UVRAG: variants seen among roughly 807,000 people sequenced by gnomAD.
UVRAG encodes UV radiation resistance associated.
In UVRAG, 19 loss-of-function variants were observed where a neutral mutation model predicts 78.0. The observed-to-expected ratio is 0.24, with a 90% CI of 0.17 to 0.36. UVRAG has a LOEUF of 0.36. UVRAG is among the 10% of genes least tolerant of loss of function. UVRAG has a pLI of 1.00. For missense variants in UVRAG, 740 were observed against 853.8 expected, an observed-to-expected ratio of 0.87 and a Z score of 1.66; for synonymous variants, 323 against 324.6, an observed-to-expected ratio of 1.00 and a Z score of 0.05.
intron 12 of UVRAG, among the ~76,000 whole-genome samples, chr11:76,050,162 A>G (rs114428012): frequency 0.04 from 6,025 of 152,322 alleles, 146 homozygotes; most frequent in African/African-American, 0.073. Flanking sequence ...GGCAAACACC[A>G]TTCTGTAATT....
At chr11:75,906,348 GT>G (rs1394919609) in intron 5 of UVRAG, among the ~76,000 whole-genome samples, 1 of 151,198 alleles carries the variant, frequency 6.6e-6, no homozygotes, top group Non-Finnish European at 1.5e-5. Context: ...GGGTTTTTTT[GT>G]TTGTTTGTTT....
chr11:76,133,859 C>T (rs1196346243), intron 14 of UVRAG, among the ~76,000 whole-genome samples: 1 of 152,026 alleles, frequency 6.6e-6, no homozygotes, highest in African/African-American at 2.4e-5. Context: ...AGAAAAAAAC[C>T]TAAGATTGTG....
intron 1 of UVRAG, among the ~76,000 whole-genome samples, chr11:75,820,199 A>G (rs957628639): frequency 9.2e-5 from 14 of 152,082 alleles, no homozygotes; most frequent in African/African-American, 3.4e-4. Context: ...GCTAGTCTCA[A>G]ACTCCTGGCC....
intron 4 of UVRAG, among the ~76,000 whole-genome samples, chr11:75,882,742 CTA>C (rs1268790258): frequency 6.6e-6 from 1 of 152,136 alleles, no homozygotes; most frequent in Non-Finnish European, 1.5e-5. Context: ...CTCTCTACTT[CTA>C]TGAGTTCAAC....
At chr11:75,961,054 G>A (rs1318060773) in intron 6 of UVRAG, among the ~76,000 whole-genome samples, 1 of 151,490 alleles carries the variant, frequency 6.6e-6, no homozygotes, top group Non-Finnish European at 1.5e-5. Context: ...TGGATACCTA[G>A]AAGTAATTGT....
chr11:75,937,295 G>A (rs1207013926), intron 6 of UVRAG, among the ~76,000 whole-genome samples: 1 of 152,240 alleles, frequency 6.6e-6, no homozygotes, highest in East Asian at 1.9e-4. Flanking sequence ...CCAAGATCAC[G>A]CCACTGCACT....
intron 5 of UVRAG, among the ~76,000 whole-genome samples, chr11:75,891,221 G>T (rs1488256163): frequency 6.6e-6 from 1 of 152,156 alleles, no homozygotes; most frequent in East Asian, 1.9e-4. Flanking sequence ...TTGAAGGACA[G>T]ATTTCTATAA....
chr11:76,054,277 T>C (rs752250380), intron 12 of UVRAG, among the ~76,000 whole-genome samples: 26 of 152,182 alleles, frequency 1.7e-4, no homozygotes, highest in Non-Finnish European at 3.5e-4. Flanking sequence ...TCATGTTGGC[T>C]CTGTCTTCAA....
intron 6 of UVRAG, among the ~76,000 whole-genome samples, chr11:75,940,690 T>C (rs1326497929): frequency 2.0e-5 from 3 of 152,184 alleles, no homozygotes; most frequent in African/African-American, 7.2e-5. Context: ...TGAGTACTTA[T>C]CAAGTGATAA....
intron 14 of UVRAG, among the ~76,000 whole-genome samples, chr11:76,139,206 T>C (rs749069340): frequency 3.3e-5 from 5 of 152,146 alleles, no homozygotes; most frequent in Non-Finnish European, 7.4e-5. Flanking sequence ...TGCTTGGGTG[T>C]CTGAGACTGC....
chr11:75,903,221 G>A (rs1349629962), intron 5 of UVRAG, among the ~76,000 whole-genome samples: 1 of 152,098 alleles, frequency 6.6e-6, no homozygotes, highest in Non-Finnish European at 1.5e-5. Context: ...CGGGTAGTTG[G>A]ACAGTCTTCC....
At chr11:75,815,958 G>A (rs1945256360) in intron 1 of UVRAG, among the ~76,000 whole-genome samples, 1 of 152,226 alleles carries the variant, frequency 6.6e-6, no homozygotes, top group African/African-American at 2.4e-5. Flanking sequence ...CCCGCTTACG[G>A]AGAAACCAGT....
intron 13 of UVRAG, among the ~76,000 whole-genome samples, chr11:76,093,991 G>A (rs1951747034): frequency 6.6e-6 from 1 of 152,110 alleles, no homozygotes; most frequent in Admixed American, 6.6e-5. Flanking sequence ...TGTTGGCTGT[G>A]GGTTTGTCAT....
At chr11:76,117,309 C>G (rs1395596050) in intron 14 of UVRAG, among the ~76,000 whole-genome samples, 1 of 152,156 alleles carries the variant, frequency 6.6e-6, no homozygotes, top group Non-Finnish European at 1.5e-5. Flanking sequence ...ATGAATCTTG[C>G]TCAGTACAGA....
intron 12 of UVRAG, among the ~76,000 whole-genome samples, chr11:76,039,093 G>C (rs530994911): frequency 6.6e-6 from 1 of 152,254 alleles, no homozygotes; most frequent in Non-Finnish European, 1.5e-5. Context: ...AGCAGTCATA[G>C]AAAACTAATA....
chr11:75,867,200 A>G (rs1946556524), intron 3 of UVRAG, among the ~76,000 whole-genome samples: 1 of 152,210 alleles, frequency 6.6e-6, no homozygotes, highest in Non-Finnish European at 1.5e-5. Flanking sequence ...AGAAGAGTTT[A>G]TAGTTCATAA....
At chr11:76,081,669 T>A (rs1368845165) in intron 13 of UVRAG, among the ~76,000 whole-genome samples, 1 of 151,986 alleles carries the variant, frequency 6.6e-6, no homozygotes, top group Non-Finnish European at 1.5e-5. Flanking sequence ...ATAAACCGGT[T>A]ACTCTTAAAT....
intron 13 of UVRAG, among the ~76,000 whole-genome samples, chr11:76,084,442 C>A (rs1403941796): frequency 2.0e-5 from 3 of 152,108 alleles, no homozygotes; most frequent in Non-Finnish European, 2.9e-5. Context: ...CATTTATTAT[C>A]ATGTTGTCAT....
chr11:76,097,380 TG>T (rs1951803935), intron 13 of UVRAG, among the ~76,000 whole-genome samples: 1 of 152,190 alleles, frequency 6.6e-6, no homozygotes, highest in Non-Finnish European at 1.5e-5. Flanking sequence ...GATTTGCACA[TG>T]CAGTTTCCTC....
Sources: gnomAD v4.1 joint callset for allele counts (sites outside exome capture counted in the v4.1 genomes callset) on GRCh38, gnomAD v4.1.1 for gene constraint, MANE v1.5 for transcripts, NCBI Gene and HGNC (gene_info 2026-07-23, HGNC 2026-07-21) for gene names.